The following ANKDD1B variants were observed in gnomAD, a reference collection of about 807,000 sequenced individuals.
The protein encoded by ANKDD1B is ankyrin repeat and death domain-containing protein 1B.
A neutral mutation model predicts 59.7 loss-of-function variants in ANKDD1B; 57 were observed. That is an observed-to-expected ratio of 0.95 (90% CI 0.77 to 1.19). ANKDD1B has a LOEUF of 1.19. ANKDD1B is among the 50% of genes most tolerant of loss of function. The pLI, the probability that ANKDD1B is intolerant of heterozygous loss-of-function variation, is 0.00. For missense variants in ANKDD1B, 602 were observed against 641.9 expected, an observed-to-expected ratio of 0.94 and a Z score of 0.67; for synonymous variants, 216 against 239.5, an observed-to-expected ratio of 0.90 and a Z score of 0.91.
rs1411728805 is a variant in ANKDD1B at position 75,659,366 on chromosome 5, G to A, written c.1080G>A (p.Leu360=). The A allele has an allele frequency of 6.5e-7, 1 of 1,535,854 alleles. No individual in the cohort carries two copies. Residue 360 remains leucine (L), a synonymous_variant, in exon 10 of 14, where the codon TTG becomes TTA. Coordinates refer to ENST00000601380, the MANE Select transcript of ANKDD1B (RefSeq NM_001276713.2). ...CCCTGCTGAAGGCAGGCTGTGACTTGAAGGCTGTTGACAAGGTAAGTGCAT... is the reference window on the plus strand; with the variant it reads ...CCCTGCTGAAGGCAGGCTGTGACTTAAAGGCTGTTGACAAGGTAAGTGCAT... ...VETLLKAGCD[L]KAVDKQGKTA...
intron 7 of ANKDD1B, among the ~76,000 whole-genome samples, chr5:75,650,415 G>C (rs1436943198): frequency 2.0e-5 from 3 of 152,182 alleles, no homozygotes; most frequent in African/African-American, 7.2e-5. Context: ...AGACCTGTAA[G>C]AGACAAGGAA....
chr5:75,626,526 T>G (rs1774000368), intron 5 of ANKDD1B, among the ~76,000 whole-genome samples: 1 of 152,216 alleles, frequency 6.6e-6, no homozygotes, highest in Admixed American at 6.5e-5. Flanking sequence ...GCTGAATGAA[T>G]GAATGATCTC....
chr5:75,611,915 C>G, intron 1 of ANKDD1B, 88 bp downstream of exon 1: 3 of 1,086,788 alleles, frequency 2.8e-6, no homozygotes, highest in Non-Finnish European at 3.5e-6. Context: ...GCAGCACCTC[C>G]GGACGCTGCA....
chr5:75,614,401 A>G (rs1581125828), intron 1 of ANKDD1B, among the ~76,000 whole-genome samples: 1 of 152,310 alleles, frequency 6.6e-6, no homozygotes, highest in Non-Finnish European at 1.5e-5. Flanking sequence ...GCTCCAGAGG[A>G]AGATATTATC....
intron 7 of ANKDD1B, among the ~76,000 whole-genome samples, chr5:75,651,812 C>A (rs1774838969): frequency 6.6e-6 from 1 of 152,322 alleles, no homozygotes; most frequent in South Asian, 2.1e-4. Flanking sequence ...GGTGACTTAA[C>A]AAACATTTAT....
chr5:75,635,338 G>A (rs961592681), intron 6 of ANKDD1B: 6 of 223,704 alleles, frequency 2.7e-5, no homozygotes, highest in Admixed American at 1.0e-4. Flanking sequence ...TGGGGTAGAC[G>A]TCCATATCTA....
intron 7 of ANKDD1B, among the ~76,000 whole-genome samples, chr5:75,650,787 A>G (rs974214660): frequency 1.3e-5 from 2 of 152,200 alleles, no homozygotes; most frequent in South Asian, 2.1e-4. Flanking sequence ...GCTTAAAACA[A>G]CAATGTATTA....
At position 75,635,826 on chromosome 5, in the gene ANKDD1B, A is replaced by G. The variant is rs774541398; in HGVS notation, c.742A>G (p.Ser248Gly). 12 of 1,533,700 alleles carry G rather than the reference A, an allele frequency of 7.8e-6. No individual in the cohort carries two copies. Among genetic ancestry groups the G allele is most frequent in the Non-Finnish European group, 1.0e-5 (12 of 1,145,330 alleles). Residue 248 changes from serine (S) to glycine (G), a missense_variant, in exon 7 of 14, where the codon AGT becomes GGT. This residue lies in a region of ANKDD1B where 317 missense variants were observed against 304.6 expected (regional missense o/e 1.04). Transcript: ENST00000601380. ...ALHLAAKHGH[S>G]PAVQVLLAQW... ...GCACCTCGCTGCGAAGCATGGTCAC[A>G]GTCCTGCAGTGCAGGTGCTGCTAGC...
chr5:75,635,148 A>G (rs115054906), intron 6 of ANKDD1B, among the ~76,000 whole-genome samples, 152 bp downstream of exon 6: 91 of 152,318 alleles, frequency 6.0e-4, no homozygotes, highest in African/African-American at 2.1e-3. Flanking sequence ...ATCATGAACT[A>G]TCCAGGCAAA....
intron 11 of ANKDD1B, among the ~76,000 whole-genome samples, chr5:75,665,473 C>A (rs1348361509): frequency 6.6e-6 from 1 of 152,156 alleles, no homozygotes; most frequent in Non-Finnish European, 1.5e-5. Flanking sequence ...AGTGAAGTGG[C>A]CCACAGCTCC....
In ANKDD1B at chr5:75,656,600, G is replaced by A. The variant is rs138742932; in HGVS notation, c.996+473G>A. ...AAAATCACTCCAATTTCAGTCAACT[G>A]GAGCAGAATCAAATGACTCGTTAAA... is the stretch of plus-strand genomic sequence containing the variant. On this transcript the variant is annotated intron_variant, in intron 9 of 13. Coordinates refer to ENST00000601380, the MANE Select transcript of ANKDD1B (RefSeq NM_001276713.2). 1.1e-3 allele frequency among the ~76,000 whole-genome samples: 163 copies of A among 152,330 alleles called. 1 individual carries two copies. The highest frequency in any genetic ancestry group is 7.4e-3 in the Admixed American group (113 of 15,306).
chr5:75,617,579 G>C (rs569276140), intron 2 of ANKDD1B, among the ~76,000 whole-genome samples: 2 of 152,238 alleles, frequency 1.3e-5, no homozygotes, highest in East Asian at 3.9e-4. Context: ...CAATTGCTTA[G>C]GACAATTTGT....
At chr5:75,635,051 G>GATGTAGAGGGGTAACAATTGGC in intron 6 of ANKDD1B, 55 bp downstream of exon 6, 1 of 1,149,806 alleles carries the variant, frequency 8.7e-7, no homozygotes, top group Non-Finnish European at 1.2e-6. Context: ...AGTAACAATT[G>GATGTAGAGGGGTAACAATTGGC]ATGTAGAGGG....
intron 3 of ANKDD1B, among the ~76,000 whole-genome samples, chr5:75,623,879 T>C (rs1732696574): frequency 6.6e-6 from 1 of 152,210 alleles, no homozygotes; most frequent in African/African-American, 2.4e-5. Context: ...GCCTCAATAA[T>C]TTGGGACTTG....
At chr5:75,630,220 T>G (rs1774111863) in intron 5 of ANKDD1B, among the ~76,000 whole-genome samples, 1 of 152,216 alleles carries the variant, frequency 6.6e-6, no homozygotes. Flanking sequence ...AAGGACATGA[T>G]AAGAAACTAT....
chr5:75,668,161 G>T (rs1459332352), intron 12 of ANKDD1B, among the ~76,000 whole-genome samples: 1 of 152,138 alleles, frequency 6.6e-6, no homozygotes, highest in African/African-American at 2.4e-5. Context: ...GCAGGATAAG[G>T]GGGATTTTAA....
At chr5:75,663,082 C>A (rs769634783) in intron 10 of ANKDD1B, among the ~76,000 whole-genome samples, 4 of 152,084 alleles carry the variant, frequency 2.6e-5, no homozygotes, top group Non-Finnish European at 5.9e-5. Flanking sequence ...AAGATACTTC[C>A]CAGAAGTTGC....
At chr5:75,647,998 A>G (rs1391671811) in intron 7 of ANKDD1B, among the ~76,000 whole-genome samples, 1 of 122,698 alleles carries the variant, frequency 8.2e-6, no homozygotes, top group Non-Finnish European at 1.6e-5. Context: ...AAACTATCAC[A>G]AGAACAAAAA....
intron 8 of ANKDD1B, among the ~76,000 whole-genome samples, chr5:75,654,693 TAAAAG>T (rs759897889): frequency 6.6e-6 from 1 of 151,924 alleles, no homozygotes; most frequent in Non-Finnish European, 1.5e-5. Flanking sequence ...AAAAAATAAA[TAAAAG>T]AAACAGTTGG....
Sources: gnomAD v4.1 joint callset for allele counts (sites outside exome capture counted in the v4.1 genomes callset) on GRCh38, gnomAD v4.1.1 for gene constraint, gnomAD v4.1.1 regional missense constraint, MANE v1.5 for transcripts, NCBI Gene and HGNC (gene_info 2026-07-23, HGNC 2026-07-21) for gene names.